Variants in SOCS6 observed in about 807,000 individuals in gnomAD.
The protein encoded by SOCS6 is STAT induced STAT inhibitor-4.
A neutral mutation model predicts 27.7 loss-of-function variants in SOCS6; 5 were observed. The observed-to-expected ratio is 0.18, with a 90% CI of 0.09 to 0.38. SOCS6 has a LOEUF of 0.38. Ranked by LOEUF, SOCS6 falls within the 10% of genes least tolerant of loss-of-function variation. The pLI, the probability that SOCS6 is intolerant of heterozygous loss-of-function variation, is 1.00. For synonymous variants in SOCS6, 271 were observed against 260.0 expected, an observed-to-expected ratio of 1.04 and a Z score of -0.41; for missense variants, 595 against 688.1, an observed-to-expected ratio of 0.86 and a Z score of 1.51.
rs1173289083 is a variant in SOCS6 at position 70,289,087 on chromosome 18, C to G, written c.-130C>G. 6.7e-6 allele frequency: 1 copy of G among 149,686 alleles called. No homozygotes were observed. Among genetic ancestry groups the G allele is most frequent in the African/African-American group, 2.4e-5 (1 of 41,148 alleles). The allele number at this position is 149,686 out of a possible 1,614,324, so 9.3% of individuals were successfully genotyped here. A position where few individuals can be genotyped will look rare whatever the true frequency, so the allele number is the denominator to read the frequency against. ...GCGAGGAAGCGGAGCCGGGCCGCCT[C>G]CGGGTAAGCGTCCGGGGAGCTCGGG... On this transcript the variant is annotated 5_prime_UTR_variant, in exon 1 of 2. Transcript: ENST00000397942.
chr18:70,314,943 T>G (rs912534680), intron 1 of SOCS6, among the ~76,000 whole-genome samples: 4 of 152,020 alleles, frequency 2.6e-5, no homozygotes, highest in African/African-American at 9.7e-5. Flanking sequence ...TTAGTATTTT[T>G]TCAGATCCTT....
In SOCS6 at chr18:70,327,627, A is replaced by G. The variant is rs1262458745; in HGVS notation, c.*1351A>G. Reference sequence around the variant, plus strand: ...TTGTTGGGGAGAGATGTTATATTCAATAATTTTTAGTTATTTTGTAATGCA... The same window carrying G: ...TTGTTGGGGAGAGATGTTATATTCAGTAATTTTTAGTTATTTTGTAATGCA... On this transcript the variant is annotated 3_prime_UTR_variant, in exon 2 of 2. Transcript: ENST00000397942. 4 of 167,038 alleles carry G rather than the reference A, an allele frequency of 2.4e-5. No homozygotes were observed. Among genetic ancestry groups the G allele is most frequent in the African/African-American group, 7.2e-5 (3 of 41,458 alleles). 10.3% of individuals were successfully genotyped at this position (167,038 alleles called of 1,614,324 possible).
chr18:70,318,662 A>G (rs12456334), intron 1 of SOCS6, among the ~76,000 whole-genome samples: 84,180 of 151,564 alleles, frequency 0.56, 23,981 homozygotes, highest in East Asian at 0.78. Context: ...TCTAGGCCGG[A>G]CGTGGTGGCT....
At chr18:70,314,132 TG>T (rs2062401617) in intron 1 of SOCS6, 1 of 152,214 alleles carries the variant, frequency 6.6e-6, no homozygotes, top group Non-Finnish European at 1.5e-5. Flanking sequence ...GGCACACACC[TG>T]TAATGCCAGC....
intron 1 of SOCS6, among the ~76,000 whole-genome samples, chr18:70,291,458 A>G (rs11877484): frequency 0.25 from 37,370 of 152,134 alleles, 4,715 homozygotes; most frequent in Middle Eastern, 0.37. Flanking sequence ...AAATCTTGCT[A>G]GTTTTCTCCA....
intron 1 of SOCS6, among the ~76,000 whole-genome samples, chr18:70,316,097 G>A (rs1463706430): frequency 4.8e-5 from 7 of 147,350 alleles, no homozygotes. Context: ...TGATCCGCCC[G>A]CCTCGACCTC....
At chr18:70,307,049 G>A (rs941080400) in intron 1 of SOCS6, among the ~76,000 whole-genome samples, 2 of 152,178 alleles carry the variant, frequency 1.3e-5, no homozygotes, top group African/African-American at 4.8e-5. Flanking sequence ...GACTCTTTGA[G>A]CCCAGGAGTT....
chr18:70,306,743 G>C (rs1379061111), intron 1 of SOCS6, among the ~76,000 whole-genome samples: 1 of 152,090 alleles, frequency 6.6e-6, no homozygotes, highest in Non-Finnish European at 1.5e-5. Flanking sequence ...TAATTAGTTT[G>C]AGCAAGTTTC....
chr18:70,291,265 C>T (rs1291459572), intron 1 of SOCS6, among the ~76,000 whole-genome samples: 6 of 152,148 alleles, frequency 3.9e-5, no homozygotes, highest in Non-Finnish European at 7.3e-5. Flanking sequence ...TGCCACCACA[C>T]CTGGCTGATT....
At chr18:70,294,466 T>C (rs2062314780) in intron 1 of SOCS6, among the ~76,000 whole-genome samples, 1 of 152,036 alleles carries the variant, frequency 6.6e-6, no homozygotes, top group African/African-American at 2.4e-5. Context: ...TTTTATAATA[T>C]ATAATAATGG....
At chr18:70,307,432 T>C (rs1374922510) in intron 1 of SOCS6, among the ~76,000 whole-genome samples, 6 of 152,330 alleles carry the variant, frequency 3.9e-5, no homozygotes, top group African/African-American at 1.4e-4. Flanking sequence ...TTGTATTAAT[T>C]GTTTAAATCT....
At chr18:70,322,109 T>C (rs1419603714) in intron 1 of SOCS6, among the ~76,000 whole-genome samples, 1 of 152,200 alleles carries the variant, frequency 6.6e-6, no homozygotes, top group Non-Finnish European at 1.5e-5. Flanking sequence ...GTCTAAAGCT[T>C]TTTCCCTTGA....
At chr18:70,322,446 A>G (rs546451397) in intron 1 of SOCS6, among the ~76,000 whole-genome samples, 17 of 152,318 alleles carry the variant, frequency 1.1e-4, no homozygotes, top group African/African-American at 3.8e-4. Flanking sequence ...TGAAAAAGGA[A>G]TAATTTTCAA....
intron 1 of SOCS6, among the ~76,000 whole-genome samples, chr18:70,292,384 A>G (rs2062303711): frequency 6.6e-6 from 1 of 152,242 alleles, no homozygotes. Flanking sequence ...CTGGTTGCCC[A>G]GGCTGGAGTG....
chr18:70,296,098 G>T (rs563633101), intron 1 of SOCS6, among the ~76,000 whole-genome samples: 1 of 152,266 alleles, frequency 6.6e-6, no homozygotes, highest in East Asian at 1.9e-4. Context: ...CCCAAGTGGG[G>T]TTCCTTGTTT....
At chr18:70,310,467 G>GTTTTT (rs1332886593) in intron 1 of SOCS6, among the ~76,000 whole-genome samples, 2 of 139,556 alleles carry the variant, frequency 1.4e-5, no homozygotes, top group African/African-American at 5.5e-5. Flanking sequence ...TTTTTTGTGG[G>GTTTTT]GTTTTTTTTT....
rs1274379082 is a variant in SOCS6 at position 70,329,841 on chromosome 18, T to A, written c.*3565T>A. The A allele has an allele frequency of 6.0e-6, 1 of 167,094 alleles. No homozygotes were observed. Among genetic ancestry groups the A allele is most frequent in the African/African-American group, 2.4e-5 (1 of 41,472 alleles). The allele number at this position is 167,094 out of a possible 1,614,324, so 10.4% of individuals were successfully genotyped here. The stretch of plus-strand genomic sequence containing the variant: ...CATGGCGAAGTGTGTAGTTGCTGTT[T>A]CTGAAAAGTGATCCAAACTCTACAT... On this transcript the variant is annotated 3_prime_UTR_variant, in exon 2 of 2. Coordinates refer to ENST00000397942, the MANE Select transcript of SOCS6 (RefSeq NM_004232.4).
chr18:70,324,231 G>A (rs1460415178), intron 1 of SOCS6, among the ~76,000 whole-genome samples: 4 of 151,868 alleles, frequency 2.6e-5, no homozygotes, highest in African/African-American at 9.7e-5. Flanking sequence ...GAACCCAGGA[G>A]GCAGAGCTTG....
intron 1 of SOCS6, among the ~76,000 whole-genome samples, chr18:70,291,065 C>T (rs973997466): frequency 1.3e-5 from 2 of 151,286 alleles, no homozygotes; most frequent in Non-Finnish European, 3.0e-5. Flanking sequence ...TGCATTAGAA[C>T]TGGAAAAGGT....
Sources: allele counts gnomAD v4.1 joint callset (sites outside exome capture counted in the v4.1 genomes callset), GRCh38; gene constraint gnomAD v4.1.1; transcripts MANE v1.5; gene names NCBI Gene and HGNC (gene_info 2026-07-23, HGNC 2026-07-21).